TNRC6B: variants seen among roughly 807,000 people sequenced by gnomAD.
The protein encoded by TNRC6B is trinucleotide repeat-containing gene 6B protein.
TNRC6B carries 52 observed loss-of-function variants against 203.6 expected under a neutral mutation model. The ratio of observed to expected loss-of-function variants is 0.26; its 90% confidence interval spans 0.20 to 0.32. The LOEUF is 0.32. TNRC6B is among the 10% of genes least tolerant of loss of function. The pLI, the probability that TNRC6B is intolerant of heterozygous loss-of-function variation, is 1.00. For missense variants in TNRC6B, 1,923 were observed against 2,286.2 expected, an observed-to-expected ratio of 0.84 and a Z score of 3.24; for synonymous variants, 838 against 845.7, an observed-to-expected ratio of 0.99 and a Z score of 0.16.
intron 1 of TNRC6B, among the ~76,000 whole-genome samples, chr22:40,064,035 T>C (rs1412559470): frequency 6.6e-6 from 1 of 152,142 alleles, no homozygotes; most frequent in Non-Finnish European, 1.5e-5. Context: ...GTTTTCACAA[T>C]TTTATTTTTG....
chr22:40,142,869 A>G (rs1358391859), intron 3 of TNRC6B, among the ~76,000 whole-genome samples: 1 of 152,068 alleles, frequency 6.6e-6, no homozygotes. Context: ...GGAACTGGAT[A>G]ACCACATGGA....
rs1374394988 is a variant in TNRC6B, at chr22:40,329,713, A to G, written c.*6472A>G. The G allele has an allele frequency of 1.3e-5, 2 of 152,126 alleles. No individual in the cohort carries two copies. The highest frequency in any genetic ancestry group is 4.8e-5 in the African/African-American group (2 of 41,402). 9.4% of individuals were successfully genotyped at this position (152,126 alleles called of 1,614,324 possible). On this transcript the variant is annotated 3_prime_UTR_variant, in exon 23 of 23. Coordinates refer to ENST00000454349, the MANE Select transcript of TNRC6B (RefSeq NM_001162501.2). ...GCATGCGTGTGGCCACCGGGACCAGATCCCGAGTGATTGTGGCATACCCCT... is the reference window on the plus strand; with the variant it reads ...GCATGCGTGTGGCCACCGGGACCAGGTCCCGAGTGATTGTGGCATACCCCT...
At chr22:40,219,961 A>G (rs2069685782) in intron 1 of TNRC6B, among the ~76,000 whole-genome samples, 1 of 152,170 alleles carries the variant, frequency 6.6e-6, no homozygotes, top group African/African-American at 2.4e-5. Context: ...CCTATGGAGG[A>G]CACTAAATGA....
At chr22:40,242,213 TGCGCAC>T (rs2070039776) in intron 1 of TNRC6B, among the ~76,000 whole-genome samples, 1 of 148,556 alleles carries the variant, frequency 6.7e-6, no homozygotes, top group Non-Finnish European at 1.5e-5. Context: ...TGTGTGTGCA[TGCGCAC>T]GTGCGTGTGT....
intron 1 of TNRC6B, among the ~76,000 whole-genome samples, chr22:40,086,302 A>G (rs1213574012): frequency 1.3e-5 from 2 of 152,228 alleles, no homozygotes; most frequent in African/African-American, 2.4e-5. Context: ...GTATCCTCCA[A>G]AAGAGACCAG....
At chr22:40,225,286 G>T (rs2069767550) in intron 1 of TNRC6B, among the ~76,000 whole-genome samples, 1 of 152,036 alleles carries the variant, frequency 6.6e-6, no homozygotes. Context: ...GTGTTGGAGG[G>T]GTCCGGAGAC....
At chr22:40,096,015 C>T (rs986845255) in intron 1 of TNRC6B, among the ~76,000 whole-genome samples, 10 of 152,060 alleles carry the variant, frequency 6.6e-5, no homozygotes, top group Admixed American at 5.9e-4. Context: ...CCCTCCTATC[C>T]GCAGCCCCAA....
chr22:40,279,979 G>A lies in TNRC6B; in HGVS notation c.3263-16G>A. On this transcript the variant is annotated splice_polypyrimidine_tract_variant and intron_variant, in intron 9 of 22. Coordinates refer to ENST00000454349, the MANE Select transcript of TNRC6B (RefSeq NM_001162501.2). ...TTGATTCTGGAAATTTTCACTCTGTGTATGCTACTTTTCAGGAAGCCTTTC... is the reference window on the plus strand; with the variant it reads ...TTGATTCTGGAAATTTTCACTCTGTATATGCTACTTTTCAGGAAGCCTTTC... 1 of 1,613,578 alleles carries A rather than the reference G, an allele frequency of 6.2e-7. No homozygotes were observed.
chr22:40,150,212 C>T (rs907250452), intron 3 of TNRC6B, among the ~76,000 whole-genome samples: 2 of 151,944 alleles, frequency 1.3e-5, no homozygotes, highest in Non-Finnish European at 2.9e-5. Context: ...CCCGTCTCTA[C>T]TAAAAAATAC....
chr22:40,315,843 C>T (rs953542778), intron 20 of TNRC6B, 99 bp from the exon 21 acceptor site: 1 of 923,334 alleles, frequency 1.1e-6, no homozygotes. Context: ...TTTATAAAAG[C>T]AGAGAAGAAA....
chr22:40,098,196 G>A (rs1286066445), intron 1 of TNRC6B, among the ~76,000 whole-genome samples: 1 of 151,748 alleles, frequency 6.6e-6, no homozygotes, highest in African/African-American at 2.4e-5. Context: ...GACCAGCCTG[G>A]CCAACATGGT....
chr22:40,045,624 G>C (rs1051163210), intron 1 of TNRC6B: 3 of 152,460 alleles, frequency 2.0e-5, no homozygotes, highest in Admixed American at 6.5e-5. Context: ...AGGGCCCTGC[G>C]TGTGCGGCCA....
At chr22:40,312,807 C>T in intron 18 of TNRC6B, 95 bp from the exon 19 acceptor site, 3 of 1,463,542 alleles carry the variant, frequency 2.0e-6, no homozygotes, top group Non-Finnish European at 1.9e-6. Flanking sequence ...TTTTGTCCTC[C>T]ATTCTATTGA....
At chr22:40,233,380 T>C (rs1479262077) in intron 1 of TNRC6B, among the ~76,000 whole-genome samples, 1 of 150,824 alleles carries the variant, frequency 6.6e-6, no homozygotes, top group Non-Finnish European at 1.5e-5. Context: ...TCCCAGCACT[T>C]TGGGAGGCCG....
At chr22:40,111,828 C>T (rs1436904525) in intron 1 of TNRC6B, among the ~76,000 whole-genome samples, 3 of 152,170 alleles carry the variant, frequency 2.0e-5, no homozygotes, top group East Asian at 1.9e-4. Context: ...CCAGGCTGGG[C>T]GCAGTGGCTC....
At chr22:40,248,090 A>C (rs961722474) in intron 2 of TNRC6B, among the ~76,000 whole-genome samples, 31 of 152,058 alleles carry the variant, frequency 2.0e-4, no homozygotes, top group Non-Finnish European at 3.8e-4. Flanking sequence ...AAAAAAAAAA[A>C]AACCATAGAA....
intron 1 of TNRC6B, among the ~76,000 whole-genome samples, chr22:40,197,254 C>G (rs1487245136): frequency 6.6e-6 from 1 of 151,840 alleles, no homozygotes; most frequent in East Asian, 1.9e-4. Flanking sequence ...TCTTTGGGAG[C>G]ATCCCTGGCT....
intron 3 of TNRC6B, among the ~76,000 whole-genome samples, chr22:40,128,277 C>T (rs2068511411): frequency 2.0e-5 from 3 of 152,078 alleles, no homozygotes; most frequent in Admixed American, 1.3e-4. Flanking sequence ...CCATTCTCCT[C>T]CTCCGAGGGT....
chr22:40,314,164 TA>T (rs1351125082), intron 19 of TNRC6B, among the ~76,000 whole-genome samples: 2 of 152,218 alleles, frequency 1.3e-5, no homozygotes, highest in Non-Finnish European at 2.9e-5. Context: ...CAGACTTGTC[TA>T]AAACTGAACC....
Sources: gnomAD v4.1 joint callset for allele counts (sites outside exome capture counted in the v4.1 genomes callset) on GRCh38, gnomAD v4.1.1 for gene constraint, MANE v1.5 for transcripts, NCBI Gene and HGNC (gene_info 2026-07-23, HGNC 2026-07-21) for gene names.